The following NXPH1 variants were observed in gnomAD, a reference collection of about 807,000 sequenced individuals.
The protein encoded by NXPH1 is neurexophilin 1.
NXPH1 carries 5 observed loss-of-function variants against 23.7 expected under a neutral mutation model. The ratio of observed to expected loss-of-function variants is 0.21; its 90% confidence interval spans 0.11 to 0.44. The LOEUF (loss-of-function observed/expected upper bound fraction) is 0.44, where lower values mean the gene tolerates loss of function less well. NXPH1 is among the 20% of genes least tolerant of loss of function. The pLI is 0.99. For missense variants in NXPH1, 324 were observed against 321.6 expected, an observed-to-expected ratio of 1.01 and a Z score of -0.06; for synonymous variants, 144 against 122.2, an observed-to-expected ratio of 1.18 and a Z score of -1.18.
At chr7:8,556,965 T>C (rs1818367872) in intron 2 of NXPH1, among the ~76,000 whole-genome samples, 1 of 151,706 alleles carries the variant, frequency 6.6e-6, no homozygotes, top group Non-Finnish European at 1.5e-5. Context: ...TAATGTACCT[T>C]GCTCAAGGTC....
At chr7:8,621,739 G>C (rs1041076663) in intron 2 of NXPH1, among the ~76,000 whole-genome samples, 1 of 152,104 alleles carries the variant, frequency 6.6e-6, no homozygotes, top group Admixed American at 6.6e-5. Flanking sequence ...ACCTGCCTTG[G>C]CCTCCCAAGG....
chr7:8,592,677 T>C (rs956741047), intron 2 of NXPH1, among the ~76,000 whole-genome samples: 1 of 152,046 alleles, frequency 6.6e-6, no homozygotes, highest in Non-Finnish European at 1.5e-5. Context: ...GCTCATCGTC[T>C]CTGTTGCAAC....
At chr7:8,532,312 C>T (rs998888509) in intron 2 of NXPH1, among the ~76,000 whole-genome samples, 1 of 152,070 alleles carries the variant, frequency 6.6e-6, no homozygotes, top group Non-Finnish European at 1.5e-5. Flanking sequence ...ATCAATTCAT[C>T]CAGTGTAAGA....
intron 2 of NXPH1, among the ~76,000 whole-genome samples, chr7:8,479,530 C>T (rs1426089232): frequency 2.0e-5 from 3 of 152,014 alleles, no homozygotes; most frequent in South Asian, 2.1e-4. Context: ...CTGTCTCTGC[C>T]CCCTTAAAGG....
chr7:8,583,095 A>G (rs1289281053), intron 2 of NXPH1, among the ~76,000 whole-genome samples: 1 of 152,012 alleles, frequency 6.6e-6, no homozygotes, highest in African/African-American at 2.4e-5. Context: ...GCTTGGTGAC[A>G]GATCCCAGCT....
intron 2 of NXPH1, among the ~76,000 whole-genome samples, chr7:8,505,161 T>A (rs552199932): frequency 3.9e-5 from 6 of 152,098 alleles, no homozygotes; most frequent in Non-Finnish European, 8.8e-5. Context: ...TTTCCTCATA[T>A]TAAGTGAATG....
At chr7:8,448,836 A>T (rs1192996554) in intron 2 of NXPH1, among the ~76,000 whole-genome samples, 1 of 151,824 alleles carries the variant, frequency 6.6e-6, no homozygotes, top group African/African-American at 2.4e-5. Context: ...AAAAAAAAAA[A>T]AAAAAGGACA....
intron 2 of NXPH1, among the ~76,000 whole-genome samples, chr7:8,734,194 C>A (rs755644995): frequency 1.3e-5 from 2 of 151,930 alleles, no homozygotes; most frequent in African/African-American, 2.4e-5. Flanking sequence ...AGATGTGTGG[C>A]ATTATTTCTC....
chr7:8,493,313 T>C (rs1353891853), intron 2 of NXPH1, among the ~76,000 whole-genome samples: 2 of 152,024 alleles, frequency 1.3e-5, no homozygotes, highest in Non-Finnish European at 2.9e-5. Context: ...ACCCTATAGC[T>C]CTGGCTATTT....
intron 2 of NXPH1, among the ~76,000 whole-genome samples, chr7:8,524,631 A>G (rs1440920743): frequency 6.6e-6 from 1 of 152,188 alleles, no homozygotes; most frequent in Non-Finnish European, 1.5e-5. Context: ...TATCTCCCAG[A>G]ATTCCCACAT....
intron 2 of NXPH1, among the ~76,000 whole-genome samples, chr7:8,737,749 T>C (rs1399904482): frequency 1.3e-5 from 2 of 152,204 alleles, no homozygotes; most frequent in East Asian, 3.8e-4. Context: ...TTCCATTCTC[T>C]CTGTCACTTT....
At position 8,694,784 on chromosome 7, in the gene NXPH1, G is replaced by A. The variant is rs573144461; in HGVS notation, c.55-56224G>A. On this transcript the variant is annotated intron_variant, in intron 2 of 2. Transcript: ENST00000405863. Reference sequence around the variant, plus strand: ...CATATAAAACAGTCCACATGAAATAGCATCTGCTTTCAGCTGGCTTTCTAA... The same window carrying A: ...CATATAAAACAGTCCACATGAAATAACATCTGCTTTCAGCTGGCTTTCTAA... Among the ~76,000 whole-genome samples the A allele has an allele frequency of 3.3e-5, 5 of 152,200 alleles. No homozygotes were observed. The East Asian group carries it at 7.7e-4, about 24-fold the overall frequency.
chr7:8,570,291 G>A (rs1200410133), intron 2 of NXPH1, among the ~76,000 whole-genome samples: 1 of 151,954 alleles, frequency 6.6e-6, no homozygotes, highest in East Asian at 1.9e-4. Flanking sequence ...GCATAGTTAA[G>A]ATGATAGATT....
chr7:8,561,282 A>C (rs1334542978), intron 2 of NXPH1, among the ~76,000 whole-genome samples: 1 of 150,732 alleles, frequency 6.6e-6, no homozygotes, highest in Admixed American at 6.6e-5. Context: ...GCTGTATAGC[A>C]AATTGCCCTT....
At chr7:8,462,965 G>A (rs1363207186) in intron 2 of NXPH1, among the ~76,000 whole-genome samples, 1 of 152,130 alleles carries the variant, frequency 6.6e-6, no homozygotes, top group African/African-American at 2.4e-5. Context: ...CCATGTTGCT[G>A]CCCAGCTTCT....
At chr7:8,500,439 C>T (rs949232829) in intron 2 of NXPH1, among the ~76,000 whole-genome samples, 1 of 152,064 alleles carries the variant, frequency 6.6e-6, no homozygotes, top group African/African-American at 2.4e-5. Context: ...CATTTTCTAG[C>T]TGTGTGACCT....
chr7:8,740,994 C>T (rs1583256319), intron 2 of NXPH1, among the ~76,000 whole-genome samples: 1 of 152,150 alleles, frequency 6.6e-6, no homozygotes, highest in South Asian at 2.1e-4. Context: ...ATTAGAACTC[C>T]AGAACTTATT....
intron 2 of NXPH1, among the ~76,000 whole-genome samples, chr7:8,589,997 A>T (rs546508844): frequency 2.0e-4 from 30 of 152,266 alleles, no homozygotes; most frequent in African/African-American, 6.5e-4. Context: ...CAGTGCAGGC[A>T]TAGAACATTT....
At chr7:8,546,598 A>C (rs1379566342) in intron 2 of NXPH1, among the ~76,000 whole-genome samples, 1 of 151,272 alleles carries the variant, frequency 6.6e-6, no homozygotes, top group Non-Finnish European at 1.5e-5. Flanking sequence ...TTGTTCTGAT[A>C]CTCATTAAAA....
Sources: allele counts gnomAD v4.1 joint callset (sites outside exome capture counted in the v4.1 genomes callset), GRCh38; gene constraint gnomAD v4.1.1; transcripts MANE v1.5; gene names NCBI Gene and HGNC (gene_info 2026-07-23, HGNC 2026-07-21).